Variants in NLRP3 observed in about 807,000 individuals in gnomAD.
NLRP3 encodes NLR family pyrin domain containing 3, also known as NACHT, LRR and PYD domains-containing protein 3.
Under a neutral mutation model 91.3 loss-of-function variants are expected in NLRP3, and 48 were observed. The observed-to-expected ratio is 0.53, with a 90% CI of 0.42 to 0.67. The LOEUF (loss-of-function observed/expected upper bound fraction) is 0.67. Ranked by LOEUF, NLRP3 falls within the 30% of genes least tolerant of loss-of-function variation. NLRP3 has a pLI of 0.00. For synonymous variants in NLRP3, 561 were observed against 507.9 expected, an observed-to-expected ratio of 1.10 and a Z score of -1.41; for missense variants, 982 against 1,276.9, an observed-to-expected ratio of 0.77 and a Z score of 3.52.
At chr1:247,431,264 C>T (rs1188560011) in intron 5 of NLRP3, among the ~76,000 whole-genome samples, 2 of 152,168 alleles carry the variant, frequency 1.3e-5, no homozygotes, top group South Asian at 2.1e-4. Context: ...CGCCCCACCG[C>T]GCTGGTGCCT....
intron 4 of NLRP3, among the ~76,000 whole-genome samples, chr1:247,427,358 GAC>G (rs760233793): frequency 6.6e-6 from 1 of 152,238 alleles, no homozygotes; most frequent in Non-Finnish European, 1.5e-5. Flanking sequence ...AGAAGAGTAA[GAC>G]AGAGAGAAAA....
chr1:247,435,303 A>G (rs986333484), intron 6 of NLRP3, among the ~76,000 whole-genome samples: 10 of 152,210 alleles, frequency 6.6e-5, no homozygotes, highest in African/African-American at 2.4e-4. Flanking sequence ...CCATAGCAAC[A>G]CTATTAGAAA....
chr1:247,429,500 G>C (rs952748073), intron 4 of NLRP3, 85 bp from the exon 5 acceptor site: 3 of 1,474,718 alleles, frequency 2.0e-6, no homozygotes, highest in Non-Finnish European at 1.9e-6. Flanking sequence ...TCTCTGAACT[G>C]GTGCCAGGCA....
chr1:247,418,833 C>T lies in NLRP3; in HGVS notation c.33C>T (p.Tyr11=). The change falls in exon 2 of 10, where the codon TAC becomes TAT. Residue 11 remains tyrosine, a synonymous_variant. Transcript: ENST00000336119. MASTRCKLAR[Y]LEDLEDVDLK... Reference sequence around the variant, plus strand: ...GCACCCGCTGCAAGCTGGCCAGGTACCTGGAGGACCTGGAGGATGTGGACT... The same window carrying T: ...GCACCCGCTGCAAGCTGGCCAGGTATCTGGAGGACCTGGAGGATGTGGACT... 1 of 1,614,022 alleles carries T rather than the reference C, an allele frequency of 6.2e-7. No homozygotes were observed. The highest frequency in any genetic ancestry group is 8.5e-7 in the Non-Finnish European group (1 of 1,180,022).
chr1:247,428,250 A>C lies in NLRP3; in HGVS notation c.2151-1335A>C, dbSNP rs112681848. Among the ~76,000 whole-genome samples, 85 of 125,706 alleles carry C rather than the reference A, an allele frequency of 6.8e-4. No individual in the cohort carries two copies. The Middle Eastern group carries it at 0.031, about 46-fold the overall frequency. The allele number at this position is 125,706 out of a possible 152,430, so 82.5% of individuals were successfully genotyped here. The stretch of plus-strand genomic sequence containing the variant: ...CATCCCTCTAGATGGCACCTGCCTT[A>C]CTCTGAGGACAGACTCTGACTGGAG... On this transcript the variant is annotated intron_variant, in intron 4 of 9. Coordinates refer to ENST00000336119, the MANE Select transcript of NLRP3 (RefSeq NM_001243133.2).
chr1:247,440,115 G>A (rs1294304634), intron 7 of NLRP3, among the ~76,000 whole-genome samples: 1 of 152,026 alleles, frequency 6.6e-6, no homozygotes, highest in African/African-American at 2.4e-5. Flanking sequence ...TAGCCTATGT[G>A]TTAGGTATAG....
At chr1:247,439,905 T>C (rs557882736) in intron 7 of NLRP3, among the ~76,000 whole-genome samples, 1 of 152,308 alleles carries the variant, frequency 6.6e-6, no homozygotes, top group South Asian at 2.1e-4. Context: ...AAAAAGCACA[T>C]TTGTATATAT....
intron 5 of NLRP3, among the ~76,000 whole-genome samples, chr1:247,431,907 C>T (rs1558198606): frequency 6.6e-6 from 1 of 151,240 alleles, no homozygotes; most frequent in African/African-American, 2.4e-5. Flanking sequence ...GTAACTACCC[C>T]TTTTTTTTTG....
At chr1:247,432,983 A>T (rs759397876) in intron 5 of NLRP3, among the ~76,000 whole-genome samples, 6 of 151,980 alleles carry the variant, frequency 3.9e-5, no homozygotes, top group Non-Finnish European at 8.8e-5. Flanking sequence ...GTTCAAAACC[A>T]GCCTGAGCAA....
intron 7 of NLRP3, among the ~76,000 whole-genome samples, chr1:247,439,404 T>C (rs1664047773): frequency 6.6e-6 from 1 of 152,188 alleles, no homozygotes; most frequent in Admixed American, 6.5e-5. Context: ...TGGCTTCTGG[T>C]GGAATGTCAT....
chr1:247,417,069 C>T (rs1396766692), intron 1 of NLRP3, among the ~76,000 whole-genome samples: 2 of 152,196 alleles, frequency 1.3e-5, no homozygotes, highest in African/African-American at 4.8e-5. Context: ...TTTTGTGGAA[C>T]TCACAGTCTA....
At chr1:247,423,778 C>A in intron 3 of NLRP3, 69 bp from the exon 4 acceptor site, 3 of 1,378,078 alleles carry the variant, frequency 2.2e-6, no homozygotes, top group Non-Finnish European at 3.1e-6. Flanking sequence ...CGATGACAGG[C>A]CCCAGCTGAG....
rs778311030 is a variant in NLRP3, at chr1:247,438,378, G to GTGT, written c.2663+2239_2663+2240insGTT. On this transcript the variant is annotated intron_variant, in intron 7 of 9. Transcript: ENST00000336119. Reference sequence around the variant, plus strand: ...GGGATTTCACGACTGGTTTAGTTGTGTTTTTTTTTTTTTTTTTTTTTTTGA... The same window carrying GTGT: ...GGGATTTCACGACTGGTTTAGTTGTGTGTTTTTTTTTTTTTTTTTTTTTTTTGA... Among the ~76,000 whole-genome samples the GTGT allele has an allele frequency of 6.0e-3, 434 of 71,940 alleles. 1 individual carries two copies. The highest frequency in any genetic ancestry group is 7.3e-3 in the East Asian group (16 of 2,182). 47.2% of individuals were successfully genotyped at this position (71,940 alleles called of 152,430 possible).
chr1:247,445,192 T>C (rs1247722073), intron 9 of NLRP3, among the ~76,000 whole-genome samples: 1 of 152,100 alleles, frequency 6.6e-6, no homozygotes, highest in Non-Finnish European at 1.5e-5. Context: ...GTTGTTTTGT[T>C]TCTGAGGATT....
At chr1:247,444,877 T>G in intron 9 of NLRP3, 56 bp downstream of exon 9, 1 of 1,577,456 alleles carries the variant, frequency 6.3e-7, no homozygotes, top group East Asian at 2.2e-5. Context: ...CAGGAAACGT[T>G]GACTGTTATC....
At chr1:247,432,310 C>T (rs1663393446) in intron 5 of NLRP3, among the ~76,000 whole-genome samples, 1 of 116,876 alleles carries the variant, frequency 8.6e-6, no homozygotes, top group African/African-American at 3.3e-5. Flanking sequence ...ATGGATGTTA[C>T]CCTTTGTTTA....
chr1:247,442,708 A>G (rs911905073), intron 7 of NLRP3, among the ~76,000 whole-genome samples: 6 of 152,150 alleles, frequency 3.9e-5, no homozygotes, highest in Non-Finnish European at 5.9e-5. Context: ...TAGATTTCTA[A>G]TATGTAAAAT....
intron 9 of NLRP3, among the ~76,000 whole-genome samples, chr1:247,448,083 C>A (rs905670843): frequency 6.6e-6 from 1 of 151,230 alleles, no homozygotes; most frequent in Non-Finnish European, 1.5e-5. Context: ...GAGGTGCTCA[C>A]AGTTTCTTCA....
intron 7 of NLRP3, among the ~76,000 whole-genome samples, chr1:247,437,907 A>G (rs1663911523): frequency 6.6e-6 from 1 of 152,224 alleles, no homozygotes; most frequent in South Asian, 2.1e-4. Flanking sequence ...GGCAAAGCAG[A>G]TGGAACCGAA....
Sources: allele counts gnomAD v4.1 joint callset (sites outside exome capture counted in the v4.1 genomes callset), GRCh38; gene constraint gnomAD v4.1.1; transcripts MANE v1.5; gene names NCBI Gene and HGNC (gene_info 2026-07-23, HGNC 2026-07-21).